The following RAI1 variants were observed in gnomAD, a reference collection of about 807,000 sequenced individuals.
RAI1 encodes the protein retinoic acid induced 1.
Under a neutral mutation model 123.8 loss-of-function variants are expected in RAI1, and 9 were observed. The ratio of observed to expected loss-of-function variants is 0.07; its 90% confidence interval spans 0.04 to 0.13. The LOEUF (loss-of-function observed/expected upper bound fraction) is 0.13. Ranked by LOEUF, RAI1 falls within the 10% of genes least tolerant of loss-of-function variation. The probability of loss-of-function intolerance (pLI) is 1.00; values close to 1 mark genes in which losing one functional copy is unlikely to be tolerated. For synonymous variants in RAI1, 1,231 were observed against 1,127.3 expected (o/e 1.09, Z -1.84); for missense variants, 2,256 against 2,545.8 (o/e 0.89, Z 2.45).
intron 2 of RAI1, among the ~76,000 whole-genome samples, chr17:17,749,419 C>T (rs1314609645): frequency 1.2e-4 from 19 of 152,270 alleles, no homozygotes; most frequent in Admixed American, 1.2e-3. Context: ...TCTGCCCACT[C>T]TTGGTAACAT....
At chr17:17,751,251 G>T (rs1402129635) in intron 2 of RAI1, among the ~76,000 whole-genome samples, 1 of 152,194 alleles carries the variant, frequency 6.6e-6, no homozygotes, top group African/African-American at 2.4e-5. Context: ...GGTGACATTT[G>T]GTCGGGCTTT....
rs1465552170 is a variant in RAI1, at chr17:17,811,182, A to G, written c.*1201A>G. The stretch of plus-strand genomic sequence containing the variant: ...GGGCCGCCCTAGCAACTTCCTGTAC[A>G]TATGACTGTAAAATGGTAAACGTGT... On this transcript the variant is annotated 3_prime_UTR_variant, in exon 6 of 6. Transcript: ENST00000353383. 8.1e-5 allele frequency: 26 copies of G among 322,064 alleles called. No individual in the cohort carries two copies. The highest frequency in any genetic ancestry group is 6.3e-4 in the South Asian group (24 of 38,348). The allele number at this position is 322,064 out of a possible 1,614,324, so 20.0% of individuals were successfully genotyped here. A position where few individuals can be genotyped will look rare whatever the true frequency, so the allele number is the denominator to read the frequency against.
At chr17:17,691,881 G>A (rs1037997457) in intron 1 of RAI1, among the ~76,000 whole-genome samples, 1 of 152,186 alleles carries the variant, frequency 6.6e-6, no homozygotes, top group Admixed American at 6.5e-5. Context: ...GCAGCTTTCT[G>A]ATAGGTGGGA....
rs749853125 is a variant in RAI1, at chr17:17,797,899, A to C, written c.4951A>C (p.Thr1651Pro). The change falls in exon 3 of 6, where the codon ACA becomes CCA. Residue 1651 changes from threonine (T) to proline (P), a missense_variant. Thr to Pro is a conservative substitution (Grantham distance 38, BLOSUM62 -1). This residue lies in a region of RAI1 where 410 missense variants were observed against 374.6 expected (regional missense o/e 1.09). Transcript: ENST00000353383. Reference sequence around the variant, plus strand: ...GGATGCAGCCGGGGCCTCCCTGGCCACACTCCCTGGAGGCTCCATCCTGCA... The same window carrying C: ...GGATGCAGCCGGGGCCTCCCTGGCCCCACTCCCTGGAGGCTCCATCCTGCA... ...SLDAAGASLATLPGGSILQPR... is the reference protein window; with the variant it reads ...SLDAAGASLAPLPGGSILQPR... The C allele has an allele frequency of 1.4e-5, 23 of 1,613,598 alleles. No homozygotes were observed. The highest frequency in any genetic ancestry group is 2.7e-5 in the African/African-American group (2 of 74,778).
At chr17:17,735,069 TC>T (rs1454171855) in intron 2 of RAI1, among the ~76,000 whole-genome samples, 11 of 144,206 alleles carry the variant, frequency 7.6e-5, no homozygotes, top group African/African-American at 2.1e-4. Context: ...TTTTTTTTTT[TC>T]GAGACGGAGT....
At chr17:17,729,698 T>G (rs904417021) in intron 2 of RAI1, among the ~76,000 whole-genome samples, 2 of 152,234 alleles carry the variant, frequency 1.3e-5, no homozygotes, top group African/African-American at 4.8e-5. Flanking sequence ...ATTTGTGCAT[T>G]TGTGCAACTG....
At chr17:17,735,781 C>CT (rs981305252) in intron 2 of RAI1, among the ~76,000 whole-genome samples, 1 of 152,222 alleles carries the variant, frequency 6.6e-6, no homozygotes, top group African/African-American at 2.4e-5. Context: ...GCCTTCCTCT[C>CT]TTTTGTGGTC....
At position 17,796,717 on chromosome 17, in the gene RAI1, G is replaced by T. The variant is rs772738189; in HGVS notation, c.3769G>T (p.Asp1257Tyr). Residue 1257 changes from aspartate (D) to tyrosine (Y), a missense_variant, in exon 3 of 6, where the codon GAT becomes TAT. By Grantham distance (160) the Asp-to-Tyr change is radical. Around this residue, in one of 7 missense-constraint regions of RAI1, gnomAD observed 322 missense variants for 358.0 expected, o/e 0.90. Transcript: ENST00000353383. This position sits in a 1 kb window ranked among gnomAD's most constrained non-coding sequence, Gnocchi z 5.8. ...SSSNASGNGG[D>Y]GKEERPEGSP... ...CAGCAACGCCAGTGGCAATGGGGGA[G>T]ATGGGAAGGAGGAGAGGCCTGAGGG... The T allele has an allele frequency of 1.2e-6, 2 of 1,613,552 alleles. No homozygotes were observed. The highest frequency in any genetic ancestry group is 4.5e-5 in the East Asian group (2 of 44,874).
At chr17:17,752,103 A>T (rs566327377) in intron 2 of RAI1, among the ~76,000 whole-genome samples, 1 of 152,242 alleles carries the variant, frequency 6.6e-6, no homozygotes, top group Non-Finnish European at 1.5e-5. Context: ...TAGGAAGTGG[A>T]GGCCCAGGGT....
intron 2 of RAI1, among the ~76,000 whole-genome samples, chr17:17,747,777 C>T (rs1598051217): frequency 1.3e-5 from 2 of 152,252 alleles, no homozygotes; most frequent in Admixed American, 6.5e-5. Flanking sequence ...TCAAAAGGGC[C>T]AGTCTGGCTG....
intron 2 of RAI1, among the ~76,000 whole-genome samples, chr17:17,792,337 G>A (rs530116046): frequency 1.5e-4 from 22 of 151,498 alleles, no homozygotes; most frequent in African/African-American, 2.4e-4. Flanking sequence ...GTGTGCGCGC[G>A]TGTGTGTGTG....
At chr17:17,803,940 C>T (rs1305356727) in intron 4 of RAI1, 91 bp downstream of exon 4, 1 of 1,205,296 alleles carries the variant, frequency 8.3e-7, no homozygotes. Flanking sequence ...AAACCCAGGC[C>T]CCATCTCACT....
intron 2 of RAI1, among the ~76,000 whole-genome samples, chr17:17,736,321 C>A (rs931652778): frequency 6.6e-6 from 1 of 152,192 alleles, no homozygotes; most frequent in African/African-American, 2.4e-5. Flanking sequence ...CTCAGTCATC[C>A]CAAACTCTGA....
intron 2 of RAI1, among the ~76,000 whole-genome samples, chr17:17,764,205 A>G (rs2030822092): frequency 6.6e-6 from 1 of 152,256 alleles, no homozygotes; most frequent in South Asian, 2.1e-4. Flanking sequence ...GGGATTGAGT[A>G]GAGTAGGCTG....
At chr17:17,789,902 C>T (rs2031952564) in intron 2 of RAI1, among the ~76,000 whole-genome samples, 2 of 152,012 alleles carry the variant, frequency 1.3e-5, no homozygotes, top group African/African-American at 4.8e-5. Context: ...GTGGGGGGTG[C>T]CCTCCCTTGT....
At chr17:17,705,146 TTCA>T (rs564342612) in intron 1 of RAI1, among the ~76,000 whole-genome samples, 6 of 152,192 alleles carry the variant, frequency 3.9e-5, no homozygotes, top group African/African-American at 1.2e-4. Context: ...TGACTGATTC[TTCA>T]TCATCATCAT....
intron 1 of RAI1, chr17:17,683,551 C>CCGGT (rs1914518675): frequency 6.6e-6 from 1 of 152,232 alleles, no homozygotes; most frequent in African/African-American, 2.4e-5. Flanking sequence ...GACAGGCAAG[C>CCGGT]CGGTATATTC....
rs1401089242 is a variant in RAI1 at position 17,809,952 on chromosome 17, G to A, written c.5710-18G>A. 6 of 1,559,278 alleles carry A rather than the reference G, an allele frequency of 3.8e-6. No homozygotes were observed. Among genetic ancestry groups the A allele is most frequent in the Non-Finnish European group, 5.2e-6 (6 of 1,153,624 alleles). On this transcript the variant is annotated intron_variant, in intron 5 of 5. Coordinates refer to ENST00000353383, the MANE Select transcript of RAI1 (RefSeq NM_030665.4). This position sits in a 1 kb window ranked among gnomAD's most constrained non-coding sequence, Gnocchi z 4.9. ...AGTCCGAGGTCGTCGGTAACTGGCGGGCGGGCGTCTTTTGCAGAGGCTGCC... is the reference window on the plus strand; with the variant it reads ...AGTCCGAGGTCGTCGGTAACTGGCGAGCGGGCGTCTTTTGCAGAGGCTGCC...
At chr17:17,735,637 G>A (rs1476945552) in intron 2 of RAI1, among the ~76,000 whole-genome samples, 1 of 152,198 alleles carries the variant, frequency 6.6e-6, no homozygotes, top group Admixed American at 6.5e-5. Context: ...GAATACAGGC[G>A]TGAGCCACCG....
Sources: gnomAD v4.1 joint callset for allele counts (sites outside exome capture counted in the v4.1 genomes callset) on GRCh38, gnomAD v4.1.1 for gene constraint, gnomAD v4.1.1 regional missense constraint, Gnocchi (gnomAD v3.1) non-coding constraint, MANE v1.5 for transcripts, NCBI Gene and HGNC (gene_info 2026-07-23, HGNC 2026-07-21) for gene names.